RNF180: variants seen among roughly 807,000 people sequenced by gnomAD.
The protein encoded by RNF180 is E3 ubiquitin-protein ligase RNF180.
A neutral mutation model predicts 59.2 loss-of-function variants in RNF180; 38 were observed. The ratio of observed to expected loss-of-function variants is 0.64; its 90% confidence interval spans 0.50 to 0.84. The LOEUF (loss-of-function observed/expected upper bound fraction) is 0.84, where lower values mean the gene tolerates loss of function less well. Among genes scored for constraint, RNF180 ranks in the 40% least tolerant of loss-of-function variants. RNF180 has a pLI of 0.00. For synonymous variants in RNF180, 262 were observed against 240.3 expected, an observed-to-expected ratio of 1.09 and a Z score of -0.84; for missense variants, 705 against 700.9, an observed-to-expected ratio of 1.01 and a Z score of -0.07.
At position 64,369,620 on chromosome 5, in the gene RNF180, C is replaced by T. The variant is rs769859165; in HGVS notation, c.1585C>T (p.Arg529Cys). 7.7e-5 allele frequency: 117 copies of T among 1,510,170 alleles called. No individual in the cohort carries two copies. In the Admixed American group the frequency reaches 1.7e-3, roughly 22 times the overall value. The allele number at this position is 1,510,170 out of a possible 1,614,324, so 93.5% of individuals were successfully genotyped here. ...TATGTTCATACATCTTCTAGGTTTC[C>T]GCAGACATGCAGCTCCAGTTACAAG... is the stretch of plus-strand genomic sequence containing the variant. Reference protein sequence around the residue: ...RKAFHLFGGFRRHAAPVTRRQ... With the variant: ...RKAFHLFGGFCRHAAPVTRRQ... The change falls in exon 8 of 8, where the codon CGC becomes TGC. Residue 529 changes from arginine (R) to cysteine (C), a missense_variant. By Grantham distance (180) the Arg-to-Cys change is radical. Coordinates refer to ENST00000389100, the MANE Select transcript of RNF180 (RefSeq NM_001113561.2).
chr5:64,355,033 C>G (rs1745962913), intron 7 of RNF180, among the ~76,000 whole-genome samples: 1 of 151,842 alleles, frequency 6.6e-6, no homozygotes, highest in African/African-American at 2.4e-5. Context: ...TCCACTTTAA[C>G]CACTGCTATT....
At chr5:64,212,318 G>A (rs773787192) in intron 3 of RNF180, among the ~76,000 whole-genome samples, 158 bp downstream of exon 3, 5 of 151,166 alleles carry the variant, frequency 3.3e-5, no homozygotes, top group Middle Eastern at 3.4e-3. Context: ...TCCTTTCTCC[G>A]CTTTATATAC....
intron 5 of RNF180, among the ~76,000 whole-genome samples, chr5:64,288,042 A>G (rs562378021): frequency 6.6e-6 from 1 of 152,306 alleles, no homozygotes; most frequent in South Asian, 2.1e-4. Context: ...TGAGTTATAC[A>G]TTTAAATATT....
At chr5:64,239,157 A>G (rs992808188) in intron 5 of RNF180, among the ~76,000 whole-genome samples, 16 of 152,140 alleles carry the variant, frequency 1.1e-4, no homozygotes, top group African/African-American at 3.9e-4. Flanking sequence ...TCCCAGCAGC[A>G]CCTTAGATGT....
intron 5 of RNF180, among the ~76,000 whole-genome samples, chr5:64,267,425 A>G (rs1269026735): frequency 6.6e-6 from 1 of 152,040 alleles, no homozygotes; most frequent in African/African-American, 2.4e-5. Context: ...ATATGTATAC[A>G]TGTGCCATGC....
chr5:64,253,784 G>C (rs953731774), intron 5 of RNF180, among the ~76,000 whole-genome samples: 1 of 151,872 alleles, frequency 6.6e-6, no homozygotes, highest in Non-Finnish European at 1.5e-5. Context: ...ATAACCCCAA[G>C]GTCACCTATA....
chr5:64,173,717 C>CTTTTTTTTTTTTTTTTTTT (rs113698456), intron 1 of RNF180, among the ~76,000 whole-genome samples: 2 of 140,066 alleles, frequency 1.4e-5, no homozygotes, highest in Non-Finnish European at 1.6e-5. Context: ...ATAGCATCAA[C>CTTTTTTTTTTTTTTTTTTT]TTTTTTTTTT....
At chr5:64,319,654 AG>A (rs1744243537) in intron 5 of RNF180, among the ~76,000 whole-genome samples, 1 of 152,222 alleles carries the variant, frequency 6.6e-6, no homozygotes, top group Non-Finnish European at 1.5e-5. Flanking sequence ...TGAGGTCATA[AG>A]TACATCATGT....
chr5:64,307,176 T>C (rs1743515460), intron 5 of RNF180, among the ~76,000 whole-genome samples: 1 of 149,446 alleles, frequency 6.7e-6, no homozygotes, highest in Admixed American at 6.8e-5. Context: ...CTCTTTCCCA[T>C]CTAGTATAAG....
At chr5:64,203,609 T>C (rs576692987) in intron 2 of RNF180, among the ~76,000 whole-genome samples, 2 of 152,230 alleles carry the variant, frequency 1.3e-5, no homozygotes, top group East Asian at 3.9e-4. Context: ...TATTCATTTA[T>C]ATAAAATTGC....
chr5:64,165,541 G>A (rs1420264524), upstream of RNF180, among the ~76,000 whole-genome samples: 1 of 152,246 alleles, frequency 6.6e-6, no homozygotes, highest in Admixed American at 6.5e-5. Flanking sequence ...CTCCAGAAAA[G>A]GCCGAGTGAG....
chr5:64,359,592 T>G (rs1746165343), intron 7 of RNF180, among the ~76,000 whole-genome samples: 1 of 152,108 alleles, frequency 6.6e-6, no homozygotes, highest in South Asian at 2.1e-4. Context: ...GGTTGCCTGT[T>G]CACTCTGATG....
At chr5:64,180,510 A>G (rs1294354160) in intron 1 of RNF180, among the ~76,000 whole-genome samples, 1 of 152,190 alleles carries the variant, frequency 6.6e-6, no homozygotes, top group Non-Finnish European at 1.5e-5. Flanking sequence ...TTAAGTTCCT[A>G]TGAAGATGTA....
At chr5:64,303,643 A>T (rs777072215) in intron 5 of RNF180, among the ~76,000 whole-genome samples, 9 of 151,674 alleles carry the variant, frequency 5.9e-5, no homozygotes, top group Non-Finnish European at 1.3e-4. Context: ...CTGAGAGAGC[A>T]CAGGAAGCTT....
At chr5:64,173,020 G>A (rs1284035842) in intron 1 of RNF180, among the ~76,000 whole-genome samples, 1 of 152,186 alleles carries the variant, frequency 6.6e-6, no homozygotes, top group African/African-American at 2.4e-5. Flanking sequence ...TCCTGGTAAT[G>A]ACTCTTAGAT....
At chr5:64,267,442 G>A (rs933724659) in intron 5 of RNF180, among the ~76,000 whole-genome samples, 1 of 151,908 alleles carries the variant, frequency 6.6e-6, no homozygotes, top group Non-Finnish European at 1.5e-5. Flanking sequence ...ATGCTGGTGT[G>A]CTGCACCCAC....
chr5:64,303,157 T>C (rs1433347171), intron 5 of RNF180, among the ~76,000 whole-genome samples: 1 of 151,660 alleles, frequency 6.6e-6, no homozygotes, highest in African/African-American at 2.4e-5. Context: ...TATGCCCATA[T>C]AAGATGGTGA....
At position 64,257,147 on chromosome 5, in the gene RNF180, A is replaced by G. The variant is rs9763873; in HGVS notation, c.1227+39751A>G. Among the ~76,000 whole-genome samples the G allele has an allele frequency of 3.2e-3, 492 of 152,312 alleles. 1 individual carries two copies. The highest frequency in any genetic ancestry group is 0.012 in the African/African-American group (484 of 41,560). On this transcript the variant is annotated intron_variant, in intron 5 of 7. Coordinates refer to ENST00000389100, the MANE Select transcript of RNF180 (RefSeq NM_001113561.2). ...TAGATATACAATCATGTCATCTGCAAACAGGAACAATTTGACTTCCTATTT... is the reference window on the plus strand; with the variant it reads ...TAGATATACAATCATGTCATCTGCAGACAGGAACAATTTGACTTCCTATTT...
intron 5 of RNF180, among the ~76,000 whole-genome samples, chr5:64,307,159 A>G (rs1250285930): frequency 2.7e-5 from 4 of 150,048 alleles, no homozygotes; most frequent in Admixed American, 6.7e-5. Flanking sequence ...TTAATAACCA[A>G]TTATGGCTCT....
Sources: allele counts gnomAD v4.1 joint callset (sites outside exome capture counted in the v4.1 genomes callset), GRCh38; gene constraint gnomAD v4.1.1; transcripts MANE v1.5; gene names NCBI Gene and HGNC (gene_info 2026-07-23, HGNC 2026-07-21).